FANCL: variants seen among roughly 807,000 people sequenced by gnomAD.
FANCL encodes E3 ubiquitin-protein ligase FANCL.
In FANCL, 69 loss-of-function variants were observed where a neutral mutation model predicts 59.4. That is an observed-to-expected ratio of 1.16 (90% confidence interval 0.96 to 1.42). The LOEUF (loss-of-function observed/expected upper bound fraction) is 1.42. Among genes scored for constraint, FANCL ranks in the 40% most tolerant of loss-of-function variants. The probability of loss-of-function intolerance (pLI) is 0.00; values close to 1 mark genes in which losing one functional copy is unlikely to be tolerated. For synonymous variants in FANCL, 180 were observed against 147.1 expected (o/e 1.22, Z -1.62); for missense variants, 519 against 447.2 (o/e 1.16, Z -1.45).
intron 11 of FANCL, 116 bp downstream of exon 11, chr2:58,162,750 T>TAA: frequency 1.1e-6 from 1 of 895,336 alleles, no homozygotes; most frequent in Non-Finnish European, 1.8e-6. Context: ...ATCAGAAGTC[T>TAA]GTGTTATAAT....
intron 5 of FANCL, among the ~76,000 whole-genome samples, chr2:58,217,553 T>C (rs2103659080): frequency 6.6e-6 from 1 of 151,920 alleles, no homozygotes; most frequent in East Asian, 1.9e-4. Flanking sequence ...GCTTGTGTAG[T>C]TATAACAAAG....
chr2:58,230,303 ATTTTTAT>A (rs889459339), intron 2 of FANCL, among the ~76,000 whole-genome samples: 7 of 152,066 alleles, frequency 4.6e-5, no homozygotes, highest in African/African-American at 1.7e-4. Flanking sequence ...GATACATTTT[ATTTTTAT>A]TTTTTATTTT....
intron 5 of FANCL, among the ~76,000 whole-genome samples, chr2:58,210,470 G>T (rs560646102): frequency 6.6e-6 from 1 of 152,120 alleles, no homozygotes; most frequent in Admixed American, 6.5e-5. Flanking sequence ...TGAGACTTGG[G>T]TAGGGACACA....
At chr2:58,222,093 C>G in intron 4 of FANCL, 51 bp from the exon 5 acceptor site, 3 of 1,220,918 alleles carry the variant, frequency 2.5e-6, no homozygotes, top group Non-Finnish European at 3.6e-6. Context: ...AGACAATGAA[C>G]TGTTAATACC....
At chr2:58,169,927 A>T (rs1293827141) in intron 7 of FANCL, among the ~76,000 whole-genome samples, 1 of 152,220 alleles carries the variant, frequency 6.6e-6, no homozygotes, top group Admixed American at 6.5e-5. Flanking sequence ...CCTATGTTTG[A>T]TTGGTGTGCC....
chr2:58,226,887 G>A, intron 3 of FANCL, 103 bp from the exon 4 acceptor site: 2 of 916,264 alleles, frequency 2.2e-6, no homozygotes, highest in Non-Finnish European at 3.5e-6. Flanking sequence ...AAAAAGATTA[G>A]CTATATCTAC....
At chr2:58,192,970 A>G (rs1416106421) in intron 7 of FANCL, among the ~76,000 whole-genome samples, 1 of 152,028 alleles carries the variant, frequency 6.6e-6, no homozygotes, top group Non-Finnish European at 1.5e-5. Context: ...CATCCTGATG[A>G]TCAACTAAAA....
At chr2:58,185,139 C>A (rs559988074) in intron 7 of FANCL, among the ~76,000 whole-genome samples, 1 of 152,002 alleles carries the variant, frequency 6.6e-6, no homozygotes, top group Non-Finnish European at 1.5e-5. Context: ...ATCTAATCTT[C>A]CTATGGTGAA....
At chr2:58,237,208 A>T (rs747348064) in intron 1 of FANCL, among the ~76,000 whole-genome samples, 15 of 152,186 alleles carry the variant, frequency 9.9e-5, no homozygotes, top group Admixed American at 2.6e-4. Context: ...ACCAGGATAG[A>T]CTATATTATT....
chr2:58,209,516 C>T lies in FANCL; in HGVS notation c.375-5290G>A, dbSNP rs144987710. On this transcript the variant is annotated intron_variant, in intron 5 of 13. Transcript: ENST00000233741. ...TTAATGTCTATGCTATTATGTTTTA[C>T]AAAAAATTATCATTATTGGTTGTAA... is the stretch of plus-strand genomic sequence containing the variant. Among the ~76,000 whole-genome samples, 1,064 of 151,942 alleles carry T rather than the reference C, an allele frequency of 7.0e-3. 5 individuals are homozygous for T. The highest frequency in any genetic ancestry group is 7.0e-3 in the Non-Finnish European group (474 of 67,934).
chr2:58,202,069 C>A (rs1206994571), intron 6 of FANCL, among the ~76,000 whole-genome samples: 1 of 151,520 alleles, frequency 6.6e-6, no homozygotes, highest in African/African-American at 2.4e-5. Context: ...GTGTAGTTGA[C>A]TGACAATCGC....
intron 7 of FANCL, among the ~76,000 whole-genome samples, chr2:58,173,648 G>C (rs955094273): frequency 1.3e-5 from 2 of 152,108 alleles, no homozygotes; most frequent in African/African-American, 4.8e-5. Flanking sequence ...ACTAAACATG[G>C]AAAGGAACAA....
chr2:58,192,280 C>G (rs62140039), intron 7 of FANCL, among the ~76,000 whole-genome samples: 1,921 of 151,958 alleles, frequency 0.013, 20 homozygotes, highest in Non-Finnish European at 0.02. Context: ...TAGAAATCAA[C>G]TGAAACTATA....
chr2:58,167,989 T>C (rs1686131385), intron 7 of FANCL, among the ~76,000 whole-genome samples: 1 of 152,062 alleles, frequency 6.6e-6, no homozygotes. Flanking sequence ...AAAAAATAAA[T>C]TATTTCTAAA....
intron 7 of FANCL, among the ~76,000 whole-genome samples, chr2:58,176,677 C>G (rs1217180400): frequency 6.6e-6 from 1 of 152,034 alleles, no homozygotes; most frequent in Non-Finnish European, 1.5e-5. Context: ...CATAAAAACC[C>G]TAGAAGAAAA....
chr2:58,194,308 A>G (rs1689224288), intron 7 of FANCL: 1 of 470,734 alleles, frequency 2.1e-6, no homozygotes, highest in African/African-American at 2.0e-5. Context: ...TTATAATCAT[A>G]ATATCAGTGC....
chr2:58,233,877 T>C (rs548911589), intron 1 of FANCL, among the ~76,000 whole-genome samples: 1 of 151,844 alleles, frequency 6.6e-6, no homozygotes, highest in Admixed American at 6.6e-5. Context: ...AAAAGATAGG[T>C]AGAGACACCT....
chr2:58,170,798 C>T (rs1019130457), intron 7 of FANCL, among the ~76,000 whole-genome samples: 15 of 151,388 alleles, frequency 9.9e-5, no homozygotes, highest in East Asian at 1.9e-4. Context: ...TAATGGTAAA[C>T]GGATCAATGC....
chr2:58,239,389 T>C (rs1482851927), intron 1 of FANCL, among the ~76,000 whole-genome samples: 2 of 152,154 alleles, frequency 1.3e-5, no homozygotes, highest in African/African-American at 4.8e-5. Context: ...TGAGGAAATA[T>C]CATCCAAACC....
Sources: allele counts gnomAD v4.1 joint callset (sites outside exome capture counted in the v4.1 genomes callset), GRCh38; gene constraint gnomAD v4.1.1; transcripts MANE v1.5; gene names NCBI Gene and HGNC (gene_info 2026-07-23, HGNC 2026-07-21).